HS3ST3A1: variants seen among roughly 807,000 people sequenced by gnomAD.
HS3ST3A1 encodes the protein heparan sulfate-glucosamine 3-sulfotransferase 3A1, also known as heparan sulfate glucosamine 3-O-sulfotransferase 3A1.
A neutral mutation model predicts 25.7 loss-of-function variants in HS3ST3A1; 19 were observed. The ratio of observed to expected loss-of-function variants is 0.74; its 90% CI spans 0.52 to 1.08. The LOEUF is 1.08. Ranked by LOEUF, HS3ST3A1 falls within the 50% of genes least tolerant of loss-of-function variation. HS3ST3A1 has a pLI of 0.00. For synonymous variants in HS3ST3A1, 226 were observed against 278.6 expected (o/e 0.81, Z 1.88); for missense variants, 459 against 594.3 (o/e 0.77, Z 2.37).
chr17:13,582,215 C>A (rs1908132992), intron 1 of HS3ST3A1, among the ~76,000 whole-genome samples: 1 of 151,956 alleles, frequency 6.6e-6, no homozygotes, highest in Non-Finnish European at 1.5e-5. Flanking sequence ...TTTTTAGCGG[C>A]CTTGGGGAGG....
chr17:13,595,839 C>G (rs62053927), intron 1 of HS3ST3A1, among the ~76,000 whole-genome samples: 1 of 99,874 alleles, frequency 1.0e-5, no homozygotes, highest in Admixed American at 1.1e-4. Flanking sequence ...AGATACGAGG[C>G]CTTTTTGGTT....
chr17:13,529,683 T>G (rs1295566688), intron 1 of HS3ST3A1, among the ~76,000 whole-genome samples: 1 of 152,178 alleles, frequency 6.6e-6, no homozygotes, highest in East Asian at 1.9e-4. Context: ...AAAATCCTCC[T>G]ACCTTCACGG....
intron 1 of HS3ST3A1, among the ~76,000 whole-genome samples, chr17:13,577,867 G>GGT (rs202098377): frequency 0.044 from 6,708 of 151,150 alleles, 491 homozygotes; most frequent in African/African-American, 0.15. Flanking sequence ...AGCAGTTTCT[G>GGT]GTGTGTGTGT....
chr17:13,580,946 T>C (rs904482403), intron 1 of HS3ST3A1, among the ~76,000 whole-genome samples: 6 of 152,066 alleles, frequency 3.9e-5, no homozygotes, highest in East Asian at 3.9e-4. Flanking sequence ...TGGTAGGCGG[T>C]TGGGGCATGT....
At chr17:13,534,702 C>T (rs981311463) in intron 1 of HS3ST3A1, among the ~76,000 whole-genome samples, 1 of 151,938 alleles carries the variant, frequency 6.6e-6, no homozygotes, top group Non-Finnish European at 1.5e-5. Flanking sequence ...GCCATCCAGC[C>T]TGGGCAACAG....
chr17:13,506,917 A>C (rs2035241133), intron 1 of HS3ST3A1, among the ~76,000 whole-genome samples: 2 of 151,620 alleles, frequency 1.3e-5, no homozygotes, highest in African/African-American at 2.4e-5. Flanking sequence ...AAAAAAAAAA[A>C]AATTAGCCAG....
intron 1 of HS3ST3A1, among the ~76,000 whole-genome samples, chr17:13,517,799 C>G (rs950718651): frequency 1.3e-5 from 2 of 152,146 alleles, no homozygotes; most frequent in Non-Finnish European, 2.9e-5. Context: ...TTACAGGCGC[C>G]TGCCACCATC....
intron 1 of HS3ST3A1, among the ~76,000 whole-genome samples, chr17:13,502,929 C>T (rs1344499044): frequency 6.6e-6 from 1 of 150,892 alleles, no homozygotes; most frequent in Non-Finnish European, 1.5e-5. Context: ...GCCTATAATC[C>T]CAGCACTTTG....
At chr17:13,579,957 A>G (rs1411206443) in intron 1 of HS3ST3A1, among the ~76,000 whole-genome samples, 1 of 148,294 alleles carries the variant, frequency 6.7e-6, no homozygotes, top group African/African-American at 2.5e-5. Flanking sequence ...AAAAAAAAAA[A>G]AAAAAAAAAG....
chr17:13,574,290 C>T lies in HS3ST3A1; in HGVS notation c.599+26241G>A, dbSNP rs568189556. Among the ~76,000 whole-genome samples, 57 of 151,710 alleles carry T rather than the reference C, an allele frequency of 3.8e-4. 1 individual carries two copies. Among genetic ancestry groups the T allele is most frequent in the Non-Finnish European group, 6.6e-4 (45 of 67,954 alleles). ...CTGGGACTACAGGTGTGTGTCACCA[C>T]GCCTGGCTAATTTTTTGTGTTTTTA... On this transcript the variant is annotated intron_variant, in intron 1 of 1. Transcript: ENST00000284110.
At chr17:13,551,516 T>A (rs1907244238) in intron 1 of HS3ST3A1, among the ~76,000 whole-genome samples, 4 of 151,780 alleles carry the variant, frequency 2.6e-5, no homozygotes, top group African/African-American at 7.3e-5. Context: ...ATCACTGTCC[T>A]GTTCAGAAGG....
At chr17:13,562,365 T>C (rs571047280) in intron 1 of HS3ST3A1, among the ~76,000 whole-genome samples, 7 of 152,254 alleles carry the variant, frequency 4.6e-5, no homozygotes, top group African/African-American at 1.7e-4. Context: ...TCGTCTATTC[T>C]GCGAACATTT....
At chr17:13,527,922 C>T (rs1906485669) in intron 1 of HS3ST3A1, among the ~76,000 whole-genome samples, 1 of 152,114 alleles carries the variant, frequency 6.6e-6, no homozygotes, top group African/African-American at 2.4e-5. Context: ...AGTACAATGA[C>T]CTACTGCAGA....
intron 1 of HS3ST3A1, among the ~76,000 whole-genome samples, chr17:13,575,767 A>G (rs1443617769): frequency 2.0e-5 from 3 of 152,242 alleles, no homozygotes; most frequent in African/African-American, 7.2e-5. Flanking sequence ...TAACCATTGT[A>G]AGTATTAACT....
In HS3ST3A1 at chr17:13,595,849, TGTTGTTG is replaced by T. The variant is rs1908562046; in HGVS notation, c.599+4675_599+4681del. On this transcript the variant is annotated intron_variant, in intron 1 of 1. Coordinates refer to ENST00000284110, the MANE Select transcript of HS3ST3A1 (RefSeq NM_006042.3). ...CGGAGAGATACGAGGCCTTTTTGGT[TGTTGTTG>T]TTGTTGTTGTTGTTGTTGTTGATAT... 3.0e-5 allele frequency among the ~76,000 whole-genome samples: 4 copies of T among 135,114 alleles called. No homozygotes were observed. The East Asian group carries it at 8.0e-4, about 27-fold the overall frequency. 88.6% of individuals were successfully genotyped at this position (135,114 alleles called of 152,430 possible). A position where few individuals can be genotyped will look rare whatever the true frequency, so the allele number is the denominator to read the frequency against.
At chr17:13,505,516 G>A (rs185537104) in intron 1 of HS3ST3A1, among the ~76,000 whole-genome samples, 12 of 152,136 alleles carry the variant, frequency 7.9e-5, no homozygotes, top group Admixed American at 3.9e-4. Context: ...ATCCAAGCTC[G>A]AGGAGTTAAA....
chr17:13,506,078 C>CT (rs577292327), intron 1 of HS3ST3A1, among the ~76,000 whole-genome samples: 2,469 of 119,078 alleles, frequency 0.021, 67 homozygotes, highest in African/African-American at 0.062. Flanking sequence ...GTTGGAGTTA[C>CT]TTTTTTTTTT....
At chr17:13,535,696 A>G (rs1483401608) in intron 1 of HS3ST3A1, among the ~76,000 whole-genome samples, 1 of 152,232 alleles carries the variant, frequency 6.6e-6, no homozygotes, top group African/African-American at 2.4e-5. Flanking sequence ...AAAATAGGCC[A>G]AATATATTGG....
At chr17:13,555,591 T>C (rs1395025880) in intron 1 of HS3ST3A1, among the ~76,000 whole-genome samples, 1 of 152,186 alleles carries the variant, frequency 6.6e-6, no homozygotes, top group Non-Finnish European at 1.5e-5. Context: ...CAAGTCGATG[T>C]TAGACTGTAT....
Sources: allele counts gnomAD v4.1 joint callset (sites outside exome capture counted in the v4.1 genomes callset), GRCh38; gene constraint gnomAD v4.1.1; transcripts MANE v1.5; gene names NCBI Gene and HGNC (gene_info 2026-07-23, HGNC 2026-07-21).